The following SLC22A23 variants were observed in gnomAD, a reference collection of about 807,000 sequenced individuals.
The protein encoded by SLC22A23 is ion transporter protein.
Under a neutral mutation model 61.0 loss-of-function variants are expected in SLC22A23, and 26 were observed. The ratio of observed to expected loss-of-function variants is 0.43; its 90% confidence interval spans 0.31 to 0.59. SLC22A23 has a LOEUF of 0.59. Ranked by LOEUF, SLC22A23 falls within the 20% of genes least tolerant of loss-of-function variation. The pLI, the probability that SLC22A23 is intolerant of heterozygous loss-of-function variation, is 0.11. For missense variants in SLC22A23, 796 were observed against 934.7 expected (o/e 0.85, Z 1.94); for synonymous variants, 430 against 413.9 (o/e 1.04, Z -0.47).
chr6:3,326,094 C>T (rs1763264590), intron 3 of SLC22A23, among the ~76,000 whole-genome samples: 1 of 152,238 alleles, frequency 6.6e-6, no homozygotes, highest in South Asian at 2.1e-4. Context: ...CATGAGGCCA[C>T]TTCCCAGACC....
chr6:3,282,161 A>C (rs1759526163), intron 9 of SLC22A23: 1 of 701,248 alleles, frequency 1.4e-6, no homozygotes, highest in African/African-American at 1.7e-5. Context: ...CTGACTGTGG[A>C]TTCTGGTCTA....
At chr6:3,300,572 C>A (rs9501983) in intron 4 of SLC22A23, among the ~76,000 whole-genome samples, 67,632 of 151,996 alleles carry the variant, frequency 0.44, 15,721 homozygotes, top group African/African-American at 0.54. Flanking sequence ...AATCCTGGAC[C>A]TCTCAGCCTC....
In SLC22A23 at chr6:3,421,057, G is replaced by A. The variant is rs552931510; in HGVS notation, c.655-5202C>T. On this transcript the variant is annotated intron_variant, in intron 1 of 9. Transcript: ENST00000406686. ...CAGAAGCTGCAGTGAGCAAGACTGC[G>A]CCACTGCACTCCAGCCTGGGTGACA... Among the ~76,000 whole-genome samples the A allele has an allele frequency of 2.2e-4, 33 of 151,582 alleles. No homozygotes were observed. In the South Asian group the frequency reaches 5.6e-3, roughly 26 times the overall value.
rs111360399 is a variant in SLC22A23 at position 3,309,576 on chromosome 6, G to A, written c.1083-11358C>T. Among the ~76,000 whole-genome samples, 14,562 of 147,490 alleles carry A rather than the reference G, an allele frequency of 0.099. 987 individuals are homozygous for A. The highest frequency in any genetic ancestry group is 0.14 in the Non-Finnish European group (9,184 of 65,480). ...ACCATAATAAGGACTGTGGGCTGACGAGCAGGTGGCACCTGACCATAATAA... is the reference window on the plus strand; with the variant it reads ...ACCATAATAAGGACTGTGGGCTGACAAGCAGGTGGCACCTGACCATAATAA... On this transcript the variant is annotated intron_variant, in intron 4 of 9. Coordinates refer to ENST00000406686, the MANE Select transcript of SLC22A23 (RefSeq NM_015482.2). This position sits in a 1 kb window ranked among gnomAD's most constrained non-coding sequence, Gnocchi z 4.7.
At chr6:3,358,942 C>G (rs1466219392) in intron 3 of SLC22A23, among the ~76,000 whole-genome samples, 1 of 152,164 alleles carries the variant, frequency 6.6e-6, no homozygotes, top group African/African-American at 2.4e-5. Flanking sequence ...TGGGTGGGGT[C>G]TGCACCCCGA....
At chr6:3,334,871 A>G (rs757231711) in intron 3 of SLC22A23, among the ~76,000 whole-genome samples, 34 of 152,322 alleles carry the variant, frequency 2.2e-4, no homozygotes, top group Non-Finnish European at 1.8e-4. Context: ...TATTTTATTC[A>G]AGGGGAAAAT....
intron 4 of SLC22A23, chr6:3,303,194 GACACAC>G (rs1561882773): frequency 6.6e-6 from 1 of 152,146 alleles, no homozygotes; most frequent in Non-Finnish European, 1.5e-5. Flanking sequence ...TTATCAAAAA[GACACAC>G]ACACAAAAAT....
At chr6:3,381,678 G>A (rs1414059324) in intron 3 of SLC22A23, among the ~76,000 whole-genome samples, 1 of 152,156 alleles carries the variant, frequency 6.6e-6, no homozygotes, top group Non-Finnish European at 1.5e-5. Flanking sequence ...TCTGTGCGAG[G>A]GGGACAGTAG....
intron 3 of SLC22A23, among the ~76,000 whole-genome samples, chr6:3,376,659 C>G (rs1287011099): frequency 2.6e-5 from 4 of 152,170 alleles, no homozygotes; most frequent in African/African-American, 9.7e-5. Flanking sequence ...ACAAGCATTT[C>G]ATTCAGTGTA....
In SLC22A23 at chr6:3,342,351, T is replaced by C. The variant is rs1011998645; in HGVS notation, c.914-18349A>G. On this transcript the variant is annotated intron_variant, in intron 3 of 9. Coordinates refer to ENST00000406686, the MANE Select transcript of SLC22A23 (RefSeq NM_015482.2). This position sits in a 1 kb window ranked among gnomAD's most constrained non-coding sequence, Gnocchi z 4.0. ...AAATTTAAAGGAATACCTTACTTCA[T>C]TTAGGCAACCGAATACTAAAATTTG... Among the ~76,000 whole-genome samples, 10 of 152,218 alleles carry C rather than the reference T, an allele frequency of 6.6e-5. No individual in the cohort carries two copies. The highest frequency in any genetic ancestry group is 3.3e-4 in the Admixed American group (5 of 15,280).
intron 1 of SLC22A23, chr6:3,444,857 A>C (rs967559433): frequency 1.0e-5 from 10 of 985,508 alleles, no homozygotes; most frequent in Non-Finnish European, 1.2e-5. Context: ...TGAAGGCGGC[A>C]GACACCTGGC....
intron 1 of SLC22A23, among the ~76,000 whole-genome samples, chr6:3,446,631 C>T (rs778425149): frequency 3.3e-5 from 5 of 152,166 alleles, no homozygotes; most frequent in Non-Finnish European, 7.4e-5. Context: ...TAGGACTTCC[C>T]ACTATTCATC....
chr6:3,375,527 T>A lies in SLC22A23; in HGVS notation c.913+34661A>T, dbSNP rs560599823. Among the ~76,000 whole-genome samples the A allele has an allele frequency of 5.9e-5, 9 of 152,356 alleles. No individual in the cohort carries two copies. The South Asian group carries it at 1.9e-3, about 32-fold the overall frequency. ...TCAATGTGGGCCAGTGGGCTAGTGCTGAGGCCATCACTGTGGGCAGGGATA... is the reference window on the plus strand; with the variant it reads ...TCAATGTGGGCCAGTGGGCTAGTGCAGAGGCCATCACTGTGGGCAGGGATA... On this transcript the variant is annotated intron_variant, in intron 3 of 9. Transcript: ENST00000406686.
rs985130707 is a variant in SLC22A23, at chr6:3,390,557, C to T, written c.913+19631G>A. ...CTAGTGCTCCCCGGGGCCTAGAGTTCTGAGGTACACTTCGGGTTCACTTGC... is the reference window on the plus strand; with the variant it reads ...CTAGTGCTCCCCGGGGCCTAGAGTTTTGAGGTACACTTCGGGTTCACTTGC... On this transcript the variant is annotated intron_variant, in intron 3 of 9. Coordinates refer to ENST00000406686, the MANE Select transcript of SLC22A23 (RefSeq NM_015482.2). The surrounding 1 kb of genome is among the most constrained non-coding windows in gnomAD (Gnocchi z 4.0). Among the ~76,000 whole-genome samples the T allele has an allele frequency of 6.6e-6, 1 of 152,188 alleles. No individual in the cohort carries two copies. Among genetic ancestry groups the T allele is most frequent in the Non-Finnish European group, 1.5e-5 (1 of 68,046 alleles).
In SLC22A23 at chr6:3,429,518, C is replaced by T. The variant is rs60319942; in HGVS notation, c.655-13663G>A. ...CCAAGCCGATTAGGAAGTATGCAGG[C>T]GATGATTTACACTATGTTATCCTTT... On this transcript the variant is annotated intron_variant, in intron 1 of 9. Coordinates refer to ENST00000406686, the MANE Select transcript of SLC22A23 (RefSeq NM_015482.2). Among the ~76,000 whole-genome samples, 882 of 152,100 alleles carry T rather than the reference C, an allele frequency of 5.8e-3. 9 individuals are homozygous for T. The highest frequency in any genetic ancestry group is 0.02 in the African/African-American group (837 of 41,488).
At chr6:3,408,916 G>C (rs973207904) in intron 3 of SLC22A23, among the ~76,000 whole-genome samples, 2 of 152,226 alleles carry the variant, frequency 1.3e-5, no homozygotes, top group Non-Finnish European at 2.9e-5. Context: ...GTGGGCCAAG[G>C]GATTGCCTGA....
Position 3,276,240 on chromosome 6 carries a change from C to T in SLC22A23, c.1704-2828G>A, listed in dbSNP as rs112574996. Among the ~76,000 whole-genome samples the T allele has an allele frequency of 1.1e-3, 166 of 152,318 alleles. 3 individuals carry two copies. The highest frequency in any genetic ancestry group is 3.8e-3 in the African/African-American group (160 of 41,572). ...TGGTTGCAGTCCACCCATCTGCATC[C>T]ACCATGGGCACAGGGCTTGGGGGCA... On this transcript the variant is annotated intron_variant, in intron 9 of 9. Transcript: ENST00000406686.
Position 3,456,048 on chromosome 6 carries a change from C to T in SLC22A23, c.512G>A (p.Arg171Gln), listed in dbSNP as rs776421766. 1.3e-6 allele frequency: 2 copies of T among 1,548,472 alleles called. No individual in the cohort carries two copies. The highest frequency in any genetic ancestry group is 2.4e-5 in the South Asian group (2 of 84,028). The change falls in exon 1 of 10, where the codon CGG (arginine) becomes CAG (glutamine). Residue 171 changes from arginine (R) to glutamine (Q), a missense_variant. Coordinates refer to ENST00000406686, the MANE Select transcript of SLC22A23 (RefSeq NM_015482.2). The surrounding 1 kb of genome is among the most constrained non-coding windows in gnomAD (Gnocchi z 7.1). ...TCCGTCCGCGCCGCTGCTGTTGCTC[C>T]GGTTGCCCGCAGCCTCCCAGGGGGC... Reference protein sequence around the residue: ...ATAPWEAAGNRSNSSGADGGD... With the variant: ...ATAPWEAAGNQSNSSGADGGD...
chr6:3,341,554 G>C (rs960322214), intron 3 of SLC22A23, among the ~76,000 whole-genome samples: 7 of 152,158 alleles, frequency 4.6e-5, no homozygotes, highest in Admixed American at 3.9e-4. Context: ...TGACTCTGTA[G>C]TCACTGGTTA....
Sources: gnomAD v4.1 joint callset for allele counts (sites outside exome capture counted in the v4.1 genomes callset) on GRCh38, gnomAD v4.1.1 for gene constraint, Gnocchi (gnomAD v3.1) non-coding constraint, MANE v1.5 for transcripts, NCBI Gene and HGNC (gene_info 2026-07-23, HGNC 2026-07-21) for gene names.